PIAS1: variants seen among roughly 807,000 people sequenced by gnomAD.
PIAS1 encodes E3 SUMO-protein ligase PIAS1.
PIAS1 carries 6 observed loss-of-function variants against 71.3 expected under a neutral mutation model. The ratio of observed to expected loss-of-function variants is 0.08; its 90% confidence interval spans 0.05 to 0.17. The LOEUF (loss-of-function observed/expected upper bound fraction) is 0.17. Among genes scored for constraint, PIAS1 ranks in the 10% least tolerant of loss-of-function variants. PIAS1 has a pLI of 1.00. For synonymous variants in PIAS1, 303 were observed against 292.9 expected (o/e 1.03, Z -0.35); for missense variants, 555 against 793.6 (o/e 0.70, Z 3.61).
At chr15:68,159,543 A>G (rs2092911205) in intron 7 of PIAS1, among the ~76,000 whole-genome samples, 1 of 152,146 alleles carries the variant, frequency 6.6e-6, no homozygotes, top group Non-Finnish European at 1.5e-5. Flanking sequence ...CTTTTCCAGA[A>G]TGTCAGGTAA....
chr15:68,076,502 A>G lies in PIAS1; in HGVS notation c.25-9804A>G, dbSNP rs370819231. 3.9e-4 allele frequency among the ~76,000 whole-genome samples: 60 copies of G among 152,330 alleles called. No homozygotes were observed. In the East Asian group the frequency reaches 0.011, roughly 27 times the overall value. ...GCGACAGAGTGAGACTCTGTCTCAA[A>G]AAAAGAAAGAACAACAACAAAAAAG... On this transcript the variant is annotated intron_variant, in intron 1 of 13. Transcript: ENST00000249636.
At chr15:68,071,081 T>TA (rs2092090353) in intron 1 of PIAS1, among the ~76,000 whole-genome samples, 1 of 152,164 alleles carries the variant, frequency 6.6e-6, no homozygotes, top group African/African-American at 2.4e-5. Context: ...TAGGGGTTTG[T>TA]AGAACCCAGT....
chr15:68,177,659 G>T (rs957155998), intron 11 of PIAS1, among the ~76,000 whole-genome samples: 3 of 152,196 alleles, frequency 2.0e-5, no homozygotes, highest in African/African-American at 7.2e-5. Flanking sequence ...AAATGAGTAA[G>T]TACAGTCTTA....
At chr15:68,162,783 C>T (rs970297627) in intron 7 of PIAS1, among the ~76,000 whole-genome samples, 1 of 152,152 alleles carries the variant, frequency 6.6e-6, no homozygotes, top group African/African-American at 2.4e-5. Flanking sequence ...ACTGTGTTGC[C>T]CAGACTGGTC....
chr15:68,187,363 A>G lies in PIAS1; in HGVS notation c.1663-179A>G, dbSNP rs1454149423. Among the ~76,000 whole-genome samples the G allele has an allele frequency of 2.0e-5, 3 of 152,224 alleles. No individual in the cohort carries two copies. The highest frequency in any genetic ancestry group is 7.2e-5 in the African/African-American group (3 of 41,450). On this transcript the variant is annotated intron_variant, in intron 13 of 13. Transcript: ENST00000249636. The surrounding 1 kb of genome is among the most constrained non-coding windows in gnomAD (Gnocchi z 5.3). Reference sequence around the variant, plus strand: ...TTTCAGATACAAAAATGTCTTCTCAAGATCAATGCTCCAGTCCTTACATAA... The same window carrying G: ...TTTCAGATACAAAAATGTCTTCTCAGGATCAATGCTCCAGTCCTTACATAA...
intron 2 of PIAS1, among the ~76,000 whole-genome samples, chr15:68,126,295 T>C (rs927720459): frequency 2.0e-5 from 3 of 152,206 alleles, no homozygotes; most frequent in African/African-American, 7.2e-5. Context: ...CCTTGTCTTT[T>C]TGCTTTACTT....
intron 2 of PIAS1, among the ~76,000 whole-genome samples, chr15:68,135,034 T>A (rs376504972): frequency 5.6e-5 from 2 of 35,694 alleles, no homozygotes; most frequent in Non-Finnish European, 1.1e-4. Flanking sequence ...CACTTCCCAG[T>A]AGGGGCGGCC....
At chr15:68,139,165 G>A (rs976797592) in intron 2 of PIAS1, among the ~76,000 whole-genome samples, 3 of 152,156 alleles carry the variant, frequency 2.0e-5, no homozygotes, top group African/African-American at 7.2e-5. Flanking sequence ...AATACCCAAG[G>A]TCACATGGCA....
rs2093122230 is a variant in PIAS1, at chr15:68,191,941, T to C, written c.*4106T>C. On this transcript the variant is annotated 3_prime_UTR_variant, in exon 14 of 14. Coordinates refer to ENST00000249636, the MANE Select transcript of PIAS1 (RefSeq NM_016166.3). ...GTTCTAATGACCATTCCACACCAAC[T>C]GTGTGTTTTTGGCAAGTTATATTTC... The C allele has an allele frequency of 6.6e-6, 1 of 152,218 alleles. No homozygotes were observed. The highest frequency in any genetic ancestry group is 2.4e-5 in the African/African-American group (1 of 41,464). 9.4% of individuals were successfully genotyped at this position (152,218 alleles called of 1,614,324 possible).
intron 2 of PIAS1, among the ~76,000 whole-genome samples, chr15:68,140,066 A>G (rs979934126): frequency 1.3e-5 from 2 of 152,218 alleles, no homozygotes; most frequent in African/African-American, 4.8e-5. Context: ...CTAGATAAAC[A>G]GTAGCAACCC....
At position 68,120,128 on chromosome 15, in the gene PIAS1, A is replaced by G. The variant is rs149915198; in HGVS notation, c.470-21818A>G. On this transcript the variant is annotated intron_variant, in intron 2 of 13. Coordinates refer to ENST00000249636, the MANE Select transcript of PIAS1 (RefSeq NM_016166.3). The stretch of plus-strand genomic sequence containing the variant: ...CAGGTCATCCAGCTTTGTTTTGGTC[A>G]TGGTATATCTTATCCTTCTTTGTTA... 1.8e-3 allele frequency among the ~76,000 whole-genome samples: 271 copies of G among 152,254 alleles called. 2 individuals carry two copies. The highest frequency in any genetic ancestry group is 1.1e-3 in the Non-Finnish European group (76 of 68,000).
chr15:68,152,184 C>T (rs28577075), intron 6 of PIAS1, among the ~76,000 whole-genome samples: 15,612 of 151,828 alleles, frequency 0.1, 2,687 homozygotes, highest in African/African-American at 0.35. Context: ...CTCCTGACCT[C>T]GTGACCTACC....
chr15:68,056,611 C>T (rs1278956759), intron 1 of PIAS1, among the ~76,000 whole-genome samples: 1 of 151,446 alleles, frequency 6.6e-6, no homozygotes, highest in Non-Finnish European at 1.5e-5. Flanking sequence ...GTGTCTGAGA[C>T]TTTGAGGAGC....
At chr15:68,060,845 A>T (rs1022480113) in intron 1 of PIAS1, among the ~76,000 whole-genome samples, 1 of 152,126 alleles carries the variant, frequency 6.6e-6, no homozygotes, top group East Asian at 1.9e-4. Context: ...CACTGCGCCC[A>T]GCTAATTTTT....
chr15:68,088,752 A>G (rs1009179392), intron 2 of PIAS1, among the ~76,000 whole-genome samples: 1 of 152,168 alleles, frequency 6.6e-6, no homozygotes, highest in Non-Finnish European at 1.5e-5. Flanking sequence ...GGATGAGTAT[A>G]TTTTAAGGCT....
chr15:68,168,410 CTTTTA>C (rs964284062), intron 8 of PIAS1, among the ~76,000 whole-genome samples: 120 of 152,198 alleles, frequency 7.9e-4, no homozygotes, highest in African/African-American at 2.8e-3. Flanking sequence ...TTGGTTAAAA[CTTTTA>C]TCTAGAATGT....
chr15:68,075,155 G>T (rs1462536315), intron 1 of PIAS1, among the ~76,000 whole-genome samples: 1 of 139,152 alleles, frequency 7.2e-6, no homozygotes, highest in Admixed American at 8.0e-5. Flanking sequence ...CGTGATCTTG[G>T]CTCACTGCAA....
At chr15:68,114,092 A>G (rs2092545473) in intron 2 of PIAS1, among the ~76,000 whole-genome samples, 2 of 151,950 alleles carry the variant, frequency 1.3e-5, no homozygotes, top group Non-Finnish European at 2.9e-5. Flanking sequence ...TTGGTTTTGT[A>G]TAAGGTATAA....
chr15:68,087,520 G>A (rs1483459416), intron 2 of PIAS1, among the ~76,000 whole-genome samples: 1 of 152,112 alleles, frequency 6.6e-6, no homozygotes, highest in Non-Finnish European at 1.5e-5. Context: ...ACTACGGCTG[G>A]CAAGCTAAGT....
Sources: gnomAD v4.1 joint callset for allele counts (sites outside exome capture counted in the v4.1 genomes callset) on GRCh38, gnomAD v4.1.1 for gene constraint, Gnocchi (gnomAD v3.1) non-coding constraint, MANE v1.5 for transcripts, NCBI Gene and HGNC (gene_info 2026-07-23, HGNC 2026-07-21) for gene names.